AGBL3: variants seen among roughly 807,000 people sequenced by gnomAD.
AGBL3 encodes AGBL carboxypeptidase 3, also known as cytosolic carboxypeptidase 3.
A neutral mutation model predicts 94.5 loss-of-function variants in AGBL3; 68 were observed. That is an observed-to-expected ratio of 0.72 (90% CI 0.59 to 0.88). The LOEUF (loss-of-function observed/expected upper bound fraction) is 0.88. Ranked by LOEUF, AGBL3 falls within the 40% of genes least tolerant of loss-of-function variation. The pLI is 0.00. For synonymous variants in AGBL3, 354 were observed against 370.7 expected (o/e 0.95, Z 0.52); for missense variants, 934 against 1,103.8 (o/e 0.85, Z 2.18).
chr7:134,995,249 A>T (rs1326805259), intron 4 of AGBL3: 5 of 152,228 alleles, frequency 3.3e-5, no homozygotes, highest in African/African-American at 4.8e-5. Context: ...GAGACCCAAA[A>T]GGAAGAGGAA....
intron 4 of AGBL3, among the ~76,000 whole-genome samples, chr7:135,006,137 A>G (rs1812355462): frequency 6.6e-6 from 1 of 151,966 alleles, no homozygotes; most frequent in African/African-American, 2.4e-5. Context: ...TGTTAAGCAG[A>G]TGAAAATACA....
Position 134,993,661 on chromosome 7 carries a change from A to G in AGBL3, c.293A>G (p.Glu98Gly). 6.4e-7 allele frequency: 1 copy of G among 1,550,636 alleles called. No homozygotes were observed. The highest frequency in any genetic ancestry group is 8.7e-7 in the Non-Finnish European group (1 of 1,146,350). ...CCATACCATTGTGAAGTCATCGATG[A>G]AAAAGTCCAGCATATTGGTATGTTT... ...RWPYHCEVID[E>G]KVQHIDWTPS... The change falls in exon 4 of 17, where the codon GAA becomes GGA. Residue 98 changes from glutamate (E) to glycine (G), a missense_variant. Coordinates refer to ENST00000436302, the MANE Select transcript of AGBL3 (RefSeq NM_178563.4).
At chr7:135,075,012 TTTAA>T (rs1482976256) in intron 12 of AGBL3, among the ~76,000 whole-genome samples, 1 of 152,230 alleles carries the variant, frequency 6.6e-6, no homozygotes, top group Non-Finnish European at 1.5e-5. Context: ...AAATTAAACT[TTTAA>T]TTTTGATTAA....
At chr7:135,097,737 G>A (rs546368577) in intron 15 of AGBL3, among the ~76,000 whole-genome samples, 31 of 152,190 alleles carry the variant, frequency 2.0e-4, no homozygotes, top group Admixed American at 7.2e-4. Context: ...AATGGAAGAA[G>A]ATATCCTCCT....
intron 15 of AGBL3, 74 bp from the exon 16 acceptor site, chr7:135,115,306 C>A: frequency 1.0e-6 from 1 of 960,438 alleles, no homozygotes; most frequent in Non-Finnish European, 1.5e-6. Context: ...AAATCCTTGG[C>A]ATATAATAAT....
At position 135,009,491 on chromosome 7, in the gene AGBL3, T is replaced by A. The variant is rs1408690327; in HGVS notation, c.311-7561T>A. Among the ~76,000 whole-genome samples, 3 of 2,316 alleles carry A rather than the reference T, an allele frequency of 1.3e-3. No individual in the cohort carries two copies. The Non-Finnish European group carries it at 0.3, about 232-fold the overall frequency. The allele number at this position is 2,316 out of a possible 152,430, so 1.5% of individuals were successfully genotyped here. A position where few individuals can be genotyped will look rare whatever the true frequency, so the allele number is the denominator to read the frequency against. On this transcript the variant is annotated intron_variant, in intron 4 of 16. Coordinates refer to ENST00000436302, the MANE Select transcript of AGBL3 (RefSeq NM_178563.4). ...CAAGGTTAGTGTGGTAGTGTTGGGA[T>A]TTTTTTTGATTGTTTTTTTCTCTTC...
intron 16 of AGBL3, among the ~76,000 whole-genome samples, chr7:135,127,835 A>C (rs1585275517): frequency 6.6e-6 from 1 of 152,194 alleles, no homozygotes; most frequent in East Asian, 1.9e-4. Flanking sequence ...GTATATACCC[A>C]AAGGAATATA....
chr7:135,080,056 A>G, intron 13 of AGBL3, 147 bp from the exon 14 acceptor site: 1 of 574,712 alleles, frequency 1.7e-6, no homozygotes, highest in Non-Finnish European at 3.0e-6. Context: ...ACTCTGATTT[A>G]TAAGATAATT....
chr7:135,070,416 C>A (rs1359942979), intron 12 of AGBL3, among the ~76,000 whole-genome samples: 3 of 152,008 alleles, frequency 2.0e-5, no homozygotes, highest in African/African-American at 7.3e-5. Context: ...GGCAGAGATA[C>A]CACAAAAAAA....
intron 12 of AGBL3, among the ~76,000 whole-genome samples, chr7:135,070,116 A>T (rs1391090548): frequency 6.6e-6 from 1 of 152,242 alleles, no homozygotes; most frequent in Non-Finnish European, 1.5e-5. Flanking sequence ...AATAAACTAG[A>T]AAATCTAGAA....
chr7:135,115,735 C>T (rs935323261), intron 16 of AGBL3, 124 bp downstream of exon 16: 5 of 784,532 alleles, frequency 6.4e-6, no homozygotes, highest in African/African-American at 3.5e-5. Flanking sequence ...AGCTCCATCA[C>T]ATTTGGCAAA....
At chr7:135,076,615 C>A in intron 13 of AGBL3, 147 bp downstream of exon 13, 1 of 613,604 alleles carries the variant, frequency 1.6e-6, no homozygotes, top group Non-Finnish European at 2.9e-6. Flanking sequence ...TATAAAAACA[C>A]AAAAGATCTT....
chr7:135,094,485 T>A, intron 15 of AGBL3: 1 of 456,724 alleles, frequency 2.2e-6, no homozygotes, highest in Non-Finnish European at 4.4e-6. Context: ...GAGAAACTCC[T>A]GGTGGCCATA....
At chr7:135,038,942 G>C (rs1816568953) in intron 8 of AGBL3, among the ~76,000 whole-genome samples, 1 of 148,266 alleles carries the variant, frequency 6.7e-6, no homozygotes, top group Non-Finnish European at 1.5e-5. Context: ...CTGGACGATA[G>C]AGCGAGACTT....
intron 15 of AGBL3, among the ~76,000 whole-genome samples, chr7:135,090,766 G>T (rs1419155060): frequency 6.6e-6 from 1 of 152,156 alleles, no homozygotes; most frequent in East Asian, 1.9e-4. Flanking sequence ...CCACCCTAAG[G>T]GTGAAAGGGG....
chr7:135,073,327 G>A (rs1030417534), intron 12 of AGBL3, among the ~76,000 whole-genome samples: 2 of 151,954 alleles, frequency 1.3e-5, no homozygotes, highest in African/African-American at 4.8e-5. Flanking sequence ...AAAATTAGCT[G>A]GGTGTGGTGG....
intron 15 of AGBL3, among the ~76,000 whole-genome samples, chr7:135,085,967 A>G (rs992454588): frequency 6.6e-6 from 1 of 152,136 alleles, no homozygotes; most frequent in Non-Finnish European, 1.5e-5. Context: ...AAGTCTTCCA[A>G]TCCATGAACA....
intron 13 of AGBL3, among the ~76,000 whole-genome samples, chr7:135,077,495 A>G (rs983445928): frequency 1.3e-5 from 2 of 152,150 alleles, no homozygotes; most frequent in Non-Finnish European, 2.9e-5. Flanking sequence ...CTGATGAAAA[A>G]CTAGGTCACA....
rs1430903791 is a variant in AGBL3, at chr7:134,986,529, G to C, written c.-232G>C. 6.6e-6 allele frequency: 1 copy of C among 152,402 alleles called. No homozygotes were observed. Among genetic ancestry groups the C allele is most frequent in the Non-Finnish European group, 1.5e-5 (1 of 68,172 alleles). 9.4% of individuals were successfully genotyped at this position (152,402 alleles called of 1,614,324 possible). A position where few individuals can be genotyped will look rare whatever the true frequency, so the allele number is the denominator to read the frequency against. On this transcript the variant is annotated 5_prime_UTR_variant, in exon 1 of 17. Transcript: ENST00000436302. ...ACCCGTTGCCTGATGACGAGAGTTG[G>C]GAGTGTGGCTGGGGCTGCGGATCTC...
Sources: allele counts gnomAD v4.1 joint callset (sites outside exome capture counted in the v4.1 genomes callset), GRCh38; gene constraint gnomAD v4.1.1; transcripts MANE v1.5; gene names NCBI Gene and HGNC (gene_info 2026-07-23, HGNC 2026-07-21).